LSAMP: variants seen among roughly 807,000 people sequenced by gnomAD.
LSAMP encodes the protein limbic system-associated membrane protein.
A neutral mutation model predicts 38.6 loss-of-function variants in LSAMP; 7 were observed. The observed-to-expected ratio is 0.18, with a 90% confidence interval of 0.10 to 0.34. The LOEUF (loss-of-function observed/expected upper bound fraction) is 0.34, where lower values mean the gene tolerates loss of function less well. Among genes scored for constraint, LSAMP ranks in the 10% least tolerant of loss-of-function variants. The pLI is 1.00. For missense variants in LSAMP, 313 were observed against 420.0 expected (o/e 0.75, Z 2.23); for synonymous variants, 154 against 166.8 (o/e 0.92, Z 0.59).
At chr3:115,898,025 A>G (rs1321914946) in intron 3 of LSAMP, among the ~76,000 whole-genome samples, 1 of 152,152 alleles carries the variant, frequency 6.6e-6, no homozygotes, top group East Asian at 1.9e-4. Flanking sequence ...AGTCCATGAT[A>G]TCCCTCCTGA....
intron 3 of LSAMP, among the ~76,000 whole-genome samples, chr3:115,899,807 T>C (rs1465135550): frequency 6.6e-6 from 1 of 152,178 alleles, no homozygotes; most frequent in East Asian, 1.9e-4. Flanking sequence ...AAATTGTGCT[T>C]ACTGTCGACA....
intron 1 of LSAMP, among the ~76,000 whole-genome samples, chr3:116,413,961 C>A (rs1206830378): frequency 6.6e-6 from 1 of 151,094 alleles, no homozygotes; most frequent in Non-Finnish European, 1.5e-5. Context: ...TCCTTTTTGT[C>A]CCTTTACCCT....
Position 115,810,153 on chromosome 3 carries a change from C to T in LSAMP, c.*164G>A. On this transcript the variant is annotated 3_prime_UTR_variant, in exon 7 of 7. Transcript: ENST00000490035. ...AAAATTGTTTTAAATGTTGTATTTT[C>T]TTCTTCACTTTCTTATTTCCCCCTT... 1.7e-6 allele frequency: 1 copy of T among 582,174 alleles called. No homozygotes were observed. Among genetic ancestry groups the T allele is most frequent in the East Asian group, 2.9e-5 (1 of 34,630 alleles). 36.1% of individuals were successfully genotyped at this position (582,174 alleles called of 1,614,324 possible).
intron 1 of LSAMP, among the ~76,000 whole-genome samples, chr3:116,273,707 T>TATATATATATACAC (rs1307543165): frequency 1.2e-3 from 121 of 102,556 alleles, no homozygotes; most frequent in Admixed American, 8.4e-3. Flanking sequence ...TATATATATA[T>TATATATATATACAC]ACACACACAC....
intron 1 of LSAMP, among the ~76,000 whole-genome samples, chr3:116,354,430 T>TG (rs1429071808): frequency 1.3e-5 from 2 of 152,226 alleles, no homozygotes; most frequent in Non-Finnish European, 2.9e-5. Context: ...ATTGGAGACA[T>TG]GGCTCTGGCA....
At chr3:115,937,428 C>T (rs1235059258) in intron 3 of LSAMP, among the ~76,000 whole-genome samples, 2 of 151,900 alleles carry the variant, frequency 1.3e-5, no homozygotes, top group Non-Finnish European at 2.9e-5. Context: ...ATTGCTTGAG[C>T]CCAGGAGTTC....
rs1940788345 is a variant in LSAMP, at chr3:116,026,215, G to T, written c.389-6575C>A. On this transcript the variant is annotated intron_variant, in intron 2 of 6. Coordinates refer to ENST00000490035, the MANE Select transcript of LSAMP (RefSeq NM_002338.5). ...CAGGCTTAAGTAAGATCATGACACA[G>T]TCAGTCTGGCTCTGCCACCTGTTTT... is the stretch of plus-strand genomic sequence containing the variant. 2.0e-5 allele frequency among the ~76,000 whole-genome samples: 3 copies of T among 152,268 alleles called. 1 individual carries two copies. In the South Asian group the frequency reaches 6.2e-4, roughly 32 times the overall value.
chr3:116,166,386 T>C (rs946007907), intron 1 of LSAMP, among the ~76,000 whole-genome samples: 1 of 152,240 alleles, frequency 6.6e-6, no homozygotes, highest in African/African-American at 2.4e-5. Context: ...TTCAGTGACT[T>C]GTCTGTATCC....
intron 1 of LSAMP, among the ~76,000 whole-genome samples, chr3:116,131,280 C>T (rs185854699): frequency 6.6e-6 from 1 of 152,056 alleles, no homozygotes; most frequent in African/African-American, 2.4e-5. Context: ...CGTGAGCCAC[C>T]TCGCCCGGCC....
chr3:116,039,420 G>C (rs1941118712), intron 2 of LSAMP, among the ~76,000 whole-genome samples: 1 of 152,200 alleles, frequency 6.6e-6, no homozygotes, highest in Non-Finnish European at 1.5e-5. Context: ...TTCACTCTGT[G>C]AGAGTACATT....
intron 1 of LSAMP, among the ~76,000 whole-genome samples, chr3:116,180,856 C>T (rs1371710829): frequency 6.6e-6 from 1 of 152,048 alleles, no homozygotes; most frequent in Admixed American, 6.6e-5. Context: ...TGTTAAACAG[C>T]TGTCACTTTT....
chr3:116,335,824 T>C (rs749936368), intron 1 of LSAMP, among the ~76,000 whole-genome samples: 4 of 152,072 alleles, frequency 2.6e-5, no homozygotes, highest in Admixed American at 1.3e-4. Context: ...ATGTAATTTA[T>C]TGAATTCTGT....
chr3:115,871,047 T>C (rs967695345), intron 3 of LSAMP, among the ~76,000 whole-genome samples: 1 of 152,124 alleles, frequency 6.6e-6, no homozygotes, highest in Non-Finnish European at 1.5e-5. Context: ...GAATCAGCCA[T>C]GGAGCTTTCA....
intron 1 of LSAMP, chr3:116,368,174 G>A (rs1054999728): frequency 2.6e-5 from 4 of 152,192 alleles, no homozygotes; most frequent in Non-Finnish European, 5.9e-5. Context: ...GGCTCAGAGG[G>A]ATGCCCACAG....
chr3:115,837,416 T>C (rs974040193), intron 6 of LSAMP, among the ~76,000 whole-genome samples: 13 of 152,282 alleles, frequency 8.5e-5, no homozygotes, highest in African/African-American at 3.1e-4. Context: ...TGTGGGAATA[T>C]TCTCCTCCTT....
At chr3:116,345,361 G>T (rs1204256317) in intron 1 of LSAMP, among the ~76,000 whole-genome samples, 2 of 152,112 alleles carry the variant, frequency 1.3e-5, no homozygotes, top group Non-Finnish European at 1.5e-5. Flanking sequence ...TTAGAATTCT[G>T]CAGGGCTGTC....
At chr3:115,939,564 C>CTTTA (rs754594006) in intron 3 of LSAMP, among the ~76,000 whole-genome samples, 1 of 104,038 alleles carries the variant, frequency 9.6e-6, no homozygotes, top group Admixed American at 1.2e-4. Flanking sequence ...TTCTTTCTTT[C>CTTTA]TTTCTTTCTT....
At chr3:116,380,194 C>T (rs17647013) in intron 1 of LSAMP, among the ~76,000 whole-genome samples, 9,486 of 151,830 alleles carry the variant, frequency 0.062, 402 homozygotes, top group Non-Finnish European at 0.092. Context: ...TTGCTATAGG[C>T]GGCAAAAATT....
chr3:116,142,445 G>A (rs969184196), intron 1 of LSAMP, among the ~76,000 whole-genome samples: 1 of 151,984 alleles, frequency 6.6e-6, no homozygotes, highest in South Asian at 2.1e-4. Flanking sequence ...CATCCAGCCT[G>A]TGCAGGTGCA....
Sources: gnomAD v4.1 joint callset for allele counts (sites outside exome capture counted in the v4.1 genomes callset) on GRCh38, gnomAD v4.1.1 for gene constraint, MANE v1.5 for transcripts, NCBI Gene and HGNC (gene_info 2026-07-23, HGNC 2026-07-21) for gene names.